Variants in GDA observed in about 807,000 individuals in gnomAD.
GDA encodes the protein guanine deaminase.
A neutral mutation model predicts 59.6 loss-of-function variants in GDA; 18 were observed. That is an observed-to-expected ratio of 0.30 (90% CI 0.21 to 0.45). GDA has a LOEUF of 0.45. GDA is among the 20% of genes least tolerant of loss of function. GDA has a pLI of 1.00. For synonymous variants in GDA, 201 were observed against 201.1 expected (o/e 1.00, Z 0.00); for missense variants, 427 against 552.3 (o/e 0.77, Z 2.27).
intron 10 of GDA, among the ~76,000 whole-genome samples, chr9:72,232,336 CAAT>C (rs1345296346): frequency 1.3e-5 from 2 of 152,040 alleles, no homozygotes; most frequent in African/African-American, 4.8e-5. Flanking sequence ...TGGTAAGACA[CAAT>C]AATACGCATA....
chr9:72,235,158 G>C (rs1044928934), intron 10 of GDA, among the ~76,000 whole-genome samples: 2 of 152,062 alleles, frequency 1.3e-5, no homozygotes, highest in Admixed American at 6.6e-5. Context: ...GAAAGTAAAA[G>C]CCAAAAATAT....
At chr9:72,199,913 T>C (rs1833724544) in intron 2 of GDA, among the ~76,000 whole-genome samples, 2 of 152,150 alleles carry the variant, frequency 1.3e-5, no homozygotes, top group Admixed American at 1.3e-4. Context: ...AAGATGTTGG[T>C]TTGTTCTTCC....
chr9:72,193,647 C>T (rs1204946245), intron 1 of GDA, among the ~76,000 whole-genome samples: 1 of 152,230 alleles, frequency 6.6e-6, no homozygotes, highest in Non-Finnish European at 1.5e-5. Context: ...TCCCTGGCTA[C>T]TGTCTATGTT....
At chr9:72,191,881 C>T (rs867277040) in intron 1 of GDA, among the ~76,000 whole-genome samples, 6 of 152,156 alleles carry the variant, frequency 3.9e-5, no homozygotes, top group African/African-American at 1.4e-4. Flanking sequence ...AGCCACCATG[C>T]CTAGCCATGT....
chr9:72,253,043 G>T (rs115272329), downstream of GDA, among the ~76,000 whole-genome samples: 2 of 151,884 alleles, frequency 1.3e-5, no homozygotes, highest in Non-Finnish European at 2.9e-5. Flanking sequence ...GTGATATTAC[G>T]GATCCTCCTT....
exon 1 of GDA, chr9:72,114,675 C>G (rs945948376): frequency 3.3e-5 from 5 of 151,932 alleles, no homozygotes; most frequent in African/African-American, 1.2e-4. Context: ...TGTATTTCCC[C>G]TTCCTTCTTT....
chr9:72,214,094 T>C (rs1207662614), intron 5 of GDA, 103 bp downstream of exon 5: 4 of 699,714 alleles, frequency 5.7e-6, no homozygotes, highest in Non-Finnish European at 7.6e-6. Context: ...TATCACCCAG[T>C]TGGGATGTGC....
chr9:72,115,975 T>A (rs1193691145), intron 1 of GDA, among the ~76,000 whole-genome samples: 1 of 152,224 alleles, frequency 6.6e-6, no homozygotes, highest in Admixed American at 6.5e-5. Context: ...GGCTCACGCC[T>A]GTAATCCCAG....
intron 2 of GDA, among the ~76,000 whole-genome samples, chr9:72,196,999 A>G (rs1000596219): frequency 7.2e-5 from 11 of 152,192 alleles, no homozygotes; most frequent in African/African-American, 2.2e-4. Context: ...AATTGGTACC[A>G]TTTATATTCT....
At chr9:72,149,347 C>A (rs1026106485), upstream of GDA, 4 of 547,580 alleles carry the variant, frequency 7.3e-6, no homozygotes, top group Non-Finnish European at 1.3e-5. Context: ...AGCCAACTCG[C>A]GGGAGAAAAA....
rs1409609186 is a variant in GDA at position 72,249,521 on chromosome 9, T to C, written c.*1179T>C. ...TAATGAAGAGTACATAATGTCCTAC[T>C]TAATATTTATGTTAATAGGACTTAA... On this transcript the variant is annotated 3_prime_UTR_variant, in exon 14 of 14. Coordinates refer to ENST00000358399, the MANE Select transcript of GDA (RefSeq NM_004293.5). 2 of 595,940 alleles carry C rather than the reference T, an allele frequency of 3.4e-6. No homozygotes were observed. The highest frequency in any genetic ancestry group is 4.2e-6 in the Non-Finnish European group (2 of 474,564). 36.9% of individuals were successfully genotyped at this position (595,940 alleles called of 1,614,324 possible).
chr9:72,204,526 A>C (rs1305099600), intron 3 of GDA, among the ~76,000 whole-genome samples: 2 of 152,234 alleles, frequency 1.3e-5, no homozygotes, highest in South Asian at 2.1e-4. Flanking sequence ...GAGGGAAATC[A>C]GTTCTGAAAT....
chr9:72,226,021 G>T (rs1395792846), intron 8 of GDA, among the ~76,000 whole-genome samples: 6 of 151,432 alleles, frequency 4.0e-5, no homozygotes, highest in Non-Finnish European at 4.4e-5. Flanking sequence ...GTGTGCGTGT[G>T]TGTGTGTGTG....
exon 1 of GDA, chr9:72,114,674 C>T (rs1323369775): frequency 1.3e-5 from 2 of 151,824 alleles, no homozygotes; most frequent in Non-Finnish European, 2.9e-5. Flanking sequence ...TTGTATTTCC[C>T]CTTCCTTCTT....
chr9:72,188,858 A>G (rs1012463111), intron 1 of GDA, among the ~76,000 whole-genome samples: 8 of 152,174 alleles, frequency 5.3e-5, no homozygotes, highest in Non-Finnish European at 1.0e-4. Flanking sequence ...TAGGAAAGCC[A>G]TAGGAGTGGG....
intron 1 of GDA, among the ~76,000 whole-genome samples, chr9:72,190,187 G>C (rs2131196563): frequency 6.6e-6 from 1 of 152,270 alleles, no homozygotes; most frequent in Non-Finnish European, 1.5e-5. Context: ...GAGTGCAGTG[G>C]CATGATCTTG....
chr9:72,241,501 G>A (rs559852727), intron 11 of GDA, among the ~76,000 whole-genome samples: 1 of 152,282 alleles, frequency 6.6e-6, no homozygotes, highest in African/African-American at 2.4e-5. Flanking sequence ...ACTGTCTTTG[G>A]TAGAATAGAT....
chr9:72,205,151 A>G (rs1024189691), intron 3 of GDA, among the ~76,000 whole-genome samples: 4 of 149,152 alleles, frequency 2.7e-5, no homozygotes, highest in Non-Finnish European at 4.4e-5. Flanking sequence ...CACATATCCT[A>G]TGTTCTTTCT....
chr9:72,171,182 A>G (rs1430566521), intron 1 of GDA, among the ~76,000 whole-genome samples: 1 of 152,040 alleles, frequency 6.6e-6, no homozygotes, highest in East Asian at 1.9e-4. Context: ...TGTATATTCC[A>G]TCTGTTAATC....
Sources: allele counts gnomAD v4.1 joint callset (sites outside exome capture counted in the v4.1 genomes callset), GRCh38; gene constraint gnomAD v4.1.1; transcripts MANE v1.5; gene names NCBI Gene and HGNC (gene_info 2026-07-23, HGNC 2026-07-21).